RSRC1: variants seen among roughly 807,000 people sequenced by gnomAD.
The protein encoded by RSRC1 is arginine and serine rich coiled-coil 1, also known as serine/Arginine-related protein 53.
A neutral mutation model predicts 49.1 loss-of-function variants in RSRC1; 39 were observed. That is an observed-to-expected ratio of 0.79 (90% CI 0.61 to 1.04). The LOEUF (loss-of-function observed/expected upper bound fraction) is 1.04. RSRC1 is among the 50% of genes least tolerant of loss of function. The pLI, the probability that RSRC1 is intolerant of heterozygous loss-of-function variation, is 0.00. For synonymous variants in RSRC1, 143 were observed against 130.8 expected, an observed-to-expected ratio of 1.09 and a Z score of -0.63; for missense variants, 388 against 402.4, an observed-to-expected ratio of 0.96 and a Z score of 0.31.
At chr3:158,327,472 C>T (rs1398265962) in intron 5 of RSRC1, among the ~76,000 whole-genome samples, 1 of 152,176 alleles carries the variant, frequency 6.6e-6, no homozygotes, top group Admixed American at 6.5e-5. Flanking sequence ...TTTATTTCTG[C>T]CTTCATTTCA....
chr3:158,284,918 T>C (rs1202316941), intron 4 of RSRC1, among the ~76,000 whole-genome samples: 2 of 152,134 alleles, frequency 1.3e-5, no homozygotes, highest in Non-Finnish European at 2.9e-5. Flanking sequence ...TTTGTCAATT[T>C]TGGCTTTTGT....
intron 6 of RSRC1, among the ~76,000 whole-genome samples, chr3:158,392,373 C>T (rs1276132388): frequency 6.6e-6 from 1 of 151,998 alleles, no homozygotes; most frequent in Non-Finnish European, 1.5e-5. Flanking sequence ...TACTATTAAA[C>T]TTATTAAGAG....
chr3:158,205,031 T>C (rs1254412793), intron 4 of RSRC1, among the ~76,000 whole-genome samples: 1 of 152,180 alleles, frequency 6.6e-6, no homozygotes, highest in East Asian at 1.9e-4. Context: ...GTTGATTGTG[T>C]TCAAGTGGAC....
intron 7 of RSRC1, among the ~76,000 whole-genome samples, chr3:158,532,671 C>T (rs1712473589): frequency 6.6e-6 from 1 of 151,686 alleles, no homozygotes; most frequent in Admixed American, 6.6e-5. Flanking sequence ...CTTTCTGAGT[C>T]TATTATTTTT....
At chr3:158,311,695 AAG>A (rs1332823693) in intron 5 of RSRC1, among the ~76,000 whole-genome samples, 2 of 152,056 alleles carry the variant, frequency 1.3e-5, no homozygotes, top group Non-Finnish European at 2.9e-5. Flanking sequence ...GAAAATTGCT[AAG>A]AGAGTAGATC....
At chr3:158,172,340 A>G (rs1718926457) in intron 3 of RSRC1, among the ~76,000 whole-genome samples, 1 of 152,196 alleles carries the variant, frequency 6.6e-6, no homozygotes, top group Non-Finnish European at 1.5e-5. Flanking sequence ...TGAAATATTT[A>G]TCTTTTTGGC....
intron 7 of RSRC1, among the ~76,000 whole-genome samples, chr3:158,492,464 A>C (rs766206939): frequency 6.6e-6 from 1 of 152,234 alleles, no homozygotes; most frequent in African/African-American, 2.4e-5. Flanking sequence ...TGACTGTTTT[A>C]GTTACAGAAT....
At chr3:158,154,905 C>T (rs1424351610) in intron 3 of RSRC1, among the ~76,000 whole-genome samples, 1 of 152,190 alleles carries the variant, frequency 6.6e-6, no homozygotes, top group African/African-American at 2.4e-5. Flanking sequence ...TCTCAAGAAA[C>T]CACTTTTTTG....
intron 6 of RSRC1, among the ~76,000 whole-genome samples, chr3:158,383,909 A>G (rs902763293): frequency 6.6e-6 from 1 of 151,980 alleles, no homozygotes; most frequent in Non-Finnish European, 1.5e-5. Flanking sequence ...CCTTTCTTAC[A>G]CTATTTTTGG....
chr3:158,121,093 TTAAA>T (rs1213301805), intron 1 of RSRC1, among the ~76,000 whole-genome samples: 4 of 151,954 alleles, frequency 2.6e-5, no homozygotes, highest in African/African-American at 9.7e-5. Context: ...ATTGCATCAT[TTAAA>T]TACTAATTTT....
At chr3:158,135,864 T>C (rs1716341406) in intron 3 of RSRC1, among the ~76,000 whole-genome samples, 2 of 152,200 alleles carry the variant, frequency 1.3e-5, no homozygotes, top group Non-Finnish European at 2.9e-5. Context: ...TTGCCTCTGC[T>C]CAAAATGTAC....
At chr3:158,332,831 T>A (rs908887425) in intron 5 of RSRC1, among the ~76,000 whole-genome samples, 4 of 152,170 alleles carry the variant, frequency 2.6e-5, no homozygotes, top group African/African-American at 9.6e-5. Flanking sequence ...TTGTAGTTTT[T>A]AAAAAATGTA....
chr3:158,156,826 C>T (rs1717905809), intron 3 of RSRC1, among the ~76,000 whole-genome samples: 1 of 152,130 alleles, frequency 6.6e-6, no homozygotes, highest in South Asian at 2.1e-4. Context: ...CACTGGGAAT[C>T]ACTGATCACA....
At chr3:158,538,120 C>T (rs1194982974) in intron 8 of RSRC1, among the ~76,000 whole-genome samples, 2 of 151,824 alleles carry the variant, frequency 1.3e-5, no homozygotes, top group African/African-American at 4.8e-5. Flanking sequence ...CAAATCCTAT[C>T]GGGTTTCTCA....
chr3:158,401,299 GAA>G (rs1424116580), intron 6 of RSRC1, among the ~76,000 whole-genome samples: 1 of 152,014 alleles, frequency 6.6e-6, no homozygotes, highest in Non-Finnish European at 1.5e-5. Flanking sequence ...AATATCATCA[GAA>G]GAGAACCCTT....
intron 4 of RSRC1, among the ~76,000 whole-genome samples, chr3:158,212,852 G>C (rs1295172815): frequency 6.6e-6 from 1 of 151,926 alleles, no homozygotes; most frequent in Non-Finnish European, 1.5e-5. Flanking sequence ...ATATCTCATT[G>C]TAAAGCATCT....
At chr3:158,522,502 C>T (rs930844192) in intron 7 of RSRC1, among the ~76,000 whole-genome samples, 1 of 152,026 alleles carries the variant, frequency 6.6e-6, no homozygotes, top group Non-Finnish European at 1.5e-5. Flanking sequence ...GATAATATGG[C>T]ATTTAGGGCT....
At chr3:158,209,541 C>T (rs1315763942) in intron 4 of RSRC1, among the ~76,000 whole-genome samples, 1 of 152,108 alleles carries the variant, frequency 6.6e-6, no homozygotes, top group East Asian at 1.9e-4. Context: ...CTTTAGAATT[C>T]ATTAGGAACC....
rs1402722984 is a variant in RSRC1 at position 158,273,769 on chromosome 3, T to C, written c.495-24270T>C. ...TGATAATAATCTTGGAGGGAAAATA[T>C]GTAGAACCAGTTGAGAAGTAAGCAG... On this transcript the variant is annotated intron_variant, in intron 4 of 9. Transcript: ENST00000611884. 2.6e-5 allele frequency among the ~76,000 whole-genome samples: 4 copies of C among 152,242 alleles called. No homozygotes were observed. In the South Asian group the frequency reaches 8.3e-4, roughly 32 times the overall value.
Sources: allele counts gnomAD v4.1 joint callset (sites outside exome capture counted in the v4.1 genomes callset), GRCh38; gene constraint gnomAD v4.1.1; transcripts MANE v1.5; gene names NCBI Gene and HGNC (gene_info 2026-07-23, HGNC 2026-07-21).